SESTD1: variants seen among roughly 807,000 people sequenced by gnomAD.
The protein encoded by SESTD1 is SEC14 domain and spectrin repeat-containing protein 1.
Under a neutral mutation model 101.7 loss-of-function variants are expected in SESTD1, and 43 were observed. The observed-to-expected ratio is 0.42, with a 90% confidence interval of 0.33 to 0.55. The LOEUF (loss-of-function observed/expected upper bound fraction) is 0.55. Ranked by LOEUF, SESTD1 falls within the 20% of genes least tolerant of loss-of-function variation. SESTD1 has a pLI of 0.07. For missense variants in SESTD1, 647 were observed against 815.1 expected, an observed-to-expected ratio of 0.79 and a Z score of 2.51; for synonymous variants, 283 against 286.8, an observed-to-expected ratio of 0.99 and a Z score of 0.13.
At chr2:179,199,800 A>C (rs927216399) in intron 1 of SESTD1, among the ~76,000 whole-genome samples, 1 of 152,224 alleles carries the variant, frequency 6.6e-6, no homozygotes, top group East Asian at 1.9e-4. Context: ...TTGATGGGAC[A>C]TATTTCAAAA....
At chr2:179,195,873 G>A (rs1340219752) in intron 1 of SESTD1, among the ~76,000 whole-genome samples, 1 of 151,630 alleles carries the variant, frequency 6.6e-6, no homozygotes, top group Non-Finnish European at 1.5e-5. Context: ...GACTTCGTAT[G>A]AGAAAAAAAA....
At chr2:179,117,467 T>C in intron 14 of SESTD1, 65 bp downstream of exon 14, 1 of 1,382,956 alleles carries the variant, frequency 7.2e-7, no homozygotes, top group Non-Finnish European at 9.8e-7. Flanking sequence ...CACTTTTGTT[T>C]GTAGTTAGAT....
chr2:179,190,117 A>T (rs2046298891), intron 2 of SESTD1, among the ~76,000 whole-genome samples: 1 of 152,194 alleles, frequency 6.6e-6, no homozygotes, highest in Non-Finnish European at 1.5e-5. Context: ...AAAAGAAAAA[A>T]TCCAGAGATA....
At chr2:179,179,264 ACT>A (rs1480578093) in intron 3 of SESTD1, among the ~76,000 whole-genome samples, 1 of 152,172 alleles carries the variant, frequency 6.6e-6, no homozygotes, top group African/African-American at 2.4e-5. Flanking sequence ...TCCTATAGCC[ACT>A]GTTAGCATGT....
At chr2:179,138,857 T>A (rs10084229) in intron 9 of SESTD1, among the ~76,000 whole-genome samples, 13 of 106,970 alleles carry the variant, frequency 1.2e-4, no homozygotes, top group Non-Finnish European at 7.3e-5. Context: ...GGTAATAGAC[T>A]GAAACCCTGT....
intron 5 of SESTD1, among the ~76,000 whole-genome samples, chr2:179,157,111 C>T (rs1360252242): frequency 2.0e-5 from 3 of 151,888 alleles, no homozygotes; most frequent in Non-Finnish European, 4.4e-5. Flanking sequence ...TTGTTTGCTA[C>T]CCCTTTTACA....
Position 179,124,472 on chromosome 2 carries a change from CTT to C in SESTD1, c.1057_1058del (p.Lys353ValfsTer7). On this transcript the variant is annotated frameshift_variant, in exon 11 of 18. Transcript: ENST00000428443. LOFTEE classifies it high-confidence loss of function. ...CATCACTAAGTTGTTGCTGCAGTGA[CTT>C]TAGTTCCACAAGATCTTCCTCATCG... is the stretch of plus-strand genomic sequence containing the variant. ...AGDEEDLVEL[K>X]SLQQQLSDVC... 6.2e-7 allele frequency: 1 copy of C among 1,614,112 alleles called. No individual in the cohort carries two copies. The highest frequency in any genetic ancestry group is 1.3e-5 in the African/African-American group (1 of 75,030).
intron 1 of SESTD1, among the ~76,000 whole-genome samples, chr2:179,244,554 C>T (rs1239217176): frequency 6.6e-6 from 1 of 150,986 alleles, no homozygotes; most frequent in Non-Finnish European, 1.5e-5. Context: ...AACCCAGAAT[C>T]CTCTACTCAG....
chr2:179,109,796 T>G lies in SESTD1; in HGVS notation c.*103A>C. The G allele has an allele frequency of 7.0e-7, 1 of 1,420,130 alleles. No individual in the cohort carries two copies. The highest frequency in any genetic ancestry group is 9.5e-7 in the Non-Finnish European group (1 of 1,049,126). 88.0% of individuals were successfully genotyped at this position (1,420,130 alleles called of 1,614,324 possible). ...ATGTGTCATGAAAAGAAATGAGACT[T>G]ATTTTGGCTGTGAAATGCATCTTAA... On this transcript the variant is annotated 3_prime_UTR_variant, in exon 18 of 18. Coordinates refer to ENST00000428443, the MANE Select transcript of SESTD1 (RefSeq NM_178123.5).
chr2:179,170,610 A>G (rs2045914996), intron 5 of SESTD1, among the ~76,000 whole-genome samples: 1 of 152,100 alleles, frequency 6.6e-6, no homozygotes. Flanking sequence ...TTCTGGAGTG[A>G]TAAGTGTTTT....
chr2:179,220,146 C>G (rs745790955), intron 1 of SESTD1, among the ~76,000 whole-genome samples: 1 of 152,076 alleles, frequency 6.6e-6, no homozygotes, highest in Non-Finnish European at 1.5e-5. Context: ...CTTAAAAACC[C>G]TTTTCAAAAA....
chr2:179,142,998 T>A lies in SESTD1; in HGVS notation c.849+594A>T, dbSNP rs551316229. 1.9e-3 allele frequency among the ~76,000 whole-genome samples: 285 copies of A among 152,282 alleles called. 1 individual carries two copies. The highest frequency in any genetic ancestry group is 6.7e-3 in the African/African-American group (279 of 41,554). ...CCAGTTTGCATTTTTAAATAAAATA[T>A]TCGAAGATTTATTTTCTTAATTATT... On this transcript the variant is annotated intron_variant, in intron 9 of 17. Transcript: ENST00000428443.
At chr2:179,140,741 C>A (rs1369853210) in intron 9 of SESTD1, among the ~76,000 whole-genome samples, 1 of 152,182 alleles carries the variant, frequency 6.6e-6, no homozygotes, top group Non-Finnish European at 1.5e-5. Flanking sequence ...TGCTCTTGGC[C>A]TTGCCACTCC....
At chr2:179,256,334 G>A (rs562442655) in intron 1 of SESTD1, among the ~76,000 whole-genome samples, 4 of 152,164 alleles carry the variant, frequency 2.6e-5, no homozygotes, top group Admixed American at 6.5e-5. Flanking sequence ...CATGGGAGGA[G>A]GTCAAAATAT....
intron 1 of SESTD1, among the ~76,000 whole-genome samples, chr2:179,257,550 T>C (rs1035241744): frequency 2.6e-5 from 4 of 152,354 alleles, no homozygotes; most frequent in African/African-American, 9.6e-5. Flanking sequence ...GAAACTGAAC[T>C]GGCAATATCT....
chr2:179,202,932 A>G (rs1204081290), intron 1 of SESTD1, among the ~76,000 whole-genome samples: 2 of 134,680 alleles, frequency 1.5e-5, no homozygotes, highest in Non-Finnish European at 3.2e-5. Flanking sequence ...AACCATAGGT[A>G]GGGCCTACTC....
intron 5 of SESTD1, among the ~76,000 whole-genome samples, chr2:179,155,563 C>T (rs2045611949): frequency 1.3e-5 from 2 of 151,782 alleles, no homozygotes. Context: ...CTGCAGTGAG[C>T]TATGATCGTG....
In SESTD1 at chr2:179,103,491, C is replaced by T. The variant is rs1320255813; in HGVS notation, c.*6408G>A. 1 of 152,014 alleles carries T rather than the reference C, an allele frequency of 6.6e-6. No homozygotes were observed. The highest frequency in any genetic ancestry group is 1.5e-5 in the Non-Finnish European group (1 of 67,996). 9.4% of individuals were successfully genotyped at this position (152,014 alleles called of 1,614,324 possible). Reference sequence around the variant, plus strand: ...TCACAAAGACTTACGTAAGAATGGTCATAGCAGCTTTATTTATAATGGCCA... The same window carrying T: ...TCACAAAGACTTACGTAAGAATGGTTATAGCAGCTTTATTTATAATGGCCA... On this transcript the variant is annotated 3_prime_UTR_variant, in exon 18 of 18. Coordinates refer to ENST00000428443, the MANE Select transcript of SESTD1 (RefSeq NM_178123.5).
chr2:179,132,272 C>T (rs374445725), intron 10 of SESTD1, 32 bp downstream of exon 10: 1 of 1,521,326 alleles, frequency 6.6e-7, no homozygotes, highest in Admixed American at 2.6e-5. Flanking sequence ...TTCATAATAT[C>T]ATTGTAACTT....
Sources: gnomAD v4.1 joint callset for allele counts (sites outside exome capture counted in the v4.1 genomes callset) on GRCh38, gnomAD v4.1.1 for gene constraint, MANE v1.5 for transcripts, NCBI Gene and HGNC (gene_info 2026-07-23, HGNC 2026-07-21) for gene names.